UNC79: variants seen among roughly 807,000 people sequenced by gnomAD.
The protein encoded by UNC79 is protein unc-79 homolog.
UNC79 carries 37 observed loss-of-function variants against 283.1 expected under a neutral mutation model. The ratio of observed to expected loss-of-function variants is 0.13; its 90% confidence interval spans 0.10 to 0.17. The LOEUF (loss-of-function observed/expected upper bound fraction) is 0.17, where lower values mean the gene tolerates loss of function less well. Among genes scored for constraint, UNC79 ranks in the 10% least tolerant of loss-of-function variants. UNC79 has a pLI of 1.00. For synonymous variants in UNC79, 1,107 were observed against 1,200.2 expected, an observed-to-expected ratio of 0.92 and a Z score of 1.61; for missense variants, 2,272 against 3,211.1, an observed-to-expected ratio of 0.71 and a Z score of 7.07.
chr14:93,648,195 A>C (rs1952227), intron 35 of UNC79, among the ~76,000 whole-genome samples: 2 of 152,238 alleles, frequency 1.3e-5, no homozygotes, highest in Admixed American at 1.3e-4. Context: ...GCTGTATGGC[A>C]TTGCATCTAC....
At chr14:93,349,087 C>A (rs1004712426) in intron 1 of UNC79, among the ~76,000 whole-genome samples, 1 of 152,294 alleles carries the variant, frequency 6.6e-6, no homozygotes, top group East Asian at 1.9e-4. Flanking sequence ...ACCACGAACC[C>A]ACCAGAAGGA....
At chr14:93,525,180 C>T (rs565405525) in intron 8 of UNC79, among the ~76,000 whole-genome samples, 2 of 152,112 alleles carry the variant, frequency 1.3e-5, no homozygotes, top group East Asian at 1.9e-4. Context: ...TGTGGTGGCT[C>T]GAGCCTGTAA....
At chr14:93,660,561 A>ATGTGTGTGTG (rs1351937848) in intron 39 of UNC79, among the ~76,000 whole-genome samples, 1 of 83,222 alleles carries the variant, frequency 1.2e-5, no homozygotes, top group Non-Finnish European at 2.2e-5. Context: ...ATATATATAT[A>ATGTGTGTGTG]TATGTGTGTG....
intron 34 of UNC79, among the ~76,000 whole-genome samples, chr14:93,645,682 G>A (rs1318445858): frequency 6.6e-6 from 1 of 152,032 alleles, no homozygotes; most frequent in African/African-American, 2.4e-5. Context: ...TGTCTGCTTG[G>A]ATCCCTCTTA....
intron 1 of UNC79, chr14:93,335,200 T>G (rs1251648912): frequency 6.6e-6 from 1 of 152,258 alleles, no homozygotes; most frequent in Non-Finnish European, 1.5e-5. Context: ...GTAGACTGTT[T>G]GGATCTAGAA....
chr14:93,342,837 CAG>C (rs752251631), intron 1 of UNC79, among the ~76,000 whole-genome samples: 3 of 152,344 alleles, frequency 2.0e-5, no homozygotes, highest in South Asian at 2.1e-4. Flanking sequence ...ATCTCTAGGA[CAG>C]GGGCAAAATG....
At chr14:93,404,626 A>G (rs1460846403) in intron 1 of UNC79, among the ~76,000 whole-genome samples, 2 of 148,434 alleles carry the variant, frequency 1.3e-5, no homozygotes, top group Non-Finnish European at 3.0e-5. Context: ...GATTACAGAA[A>G]AATTTATATT....
intron 20 of UNC79, among the ~76,000 whole-genome samples, chr14:93,583,750 C>T (rs191227513): frequency 6.6e-6 from 1 of 151,628 alleles, no homozygotes; most frequent in African/African-American, 2.4e-5. Context: ...CCAGGCTCCC[C>T]ACCTTGCTTC....
intron 1 of UNC79, among the ~76,000 whole-genome samples, chr14:93,357,918 TATATATAG>T (rs1566890318): frequency 2.6e-5 from 1 of 38,134 alleles, no homozygotes; most frequent in African/African-American, 1.2e-4. Context: ...TATATATCCA[TATATATAG>T]ATATATATGG....
chr14:93,542,012 A>C, intron 13 of UNC79, among the ~76,000 whole-genome samples: 1 of 151,292 alleles, frequency 6.6e-6, no homozygotes. Flanking sequence ...CTCAAAAAAA[A>C]AAAAAAAAAA....
intron 17 of UNC79, among the ~76,000 whole-genome samples, chr14:93,577,049 A>C (rs2063516225): frequency 7.4e-6 from 1 of 135,932 alleles, no homozygotes; most frequent in Admixed American, 7.5e-5. Flanking sequence ...ATTTTCAAAA[A>C]CTTAGCTGGG....
At chr14:93,457,712 A>G (rs1328744188) in intron 1 of UNC79, among the ~76,000 whole-genome samples, 1 of 152,242 alleles carries the variant, frequency 6.6e-6, no homozygotes, top group African/African-American at 2.4e-5. Context: ...GAAACATCAC[A>G]CTGGGTGTCA....
chr14:93,470,555 A>G (rs2057448209), intron 2 of UNC79, among the ~76,000 whole-genome samples: 1 of 152,182 alleles, frequency 6.6e-6, no homozygotes, highest in Non-Finnish European at 1.5e-5. Context: ...AACCCAGAGA[A>G]GGGGATCAGT....
At chr14:93,420,824 G>T (rs1282964354) in intron 1 of UNC79, among the ~76,000 whole-genome samples, 5 of 151,614 alleles carry the variant, frequency 3.3e-5, no homozygotes, top group South Asian at 4.3e-4. Flanking sequence ...CTCTACAAAC[G>T]TGGAAATTAA....
chr14:93,698,370 A>C (rs2075294093), intron 47 of UNC79, among the ~76,000 whole-genome samples: 1 of 151,600 alleles, frequency 6.6e-6, no homozygotes, highest in Non-Finnish European at 1.5e-5. Context: ...TGTATTATGA[A>C]GCTCTGTTAT....
chr14:93,501,916 ATTGT>A (rs1450105636), intron 7 of UNC79, among the ~76,000 whole-genome samples: 1 of 152,204 alleles, frequency 6.6e-6, no homozygotes, highest in African/African-American at 2.4e-5. Flanking sequence ...AGGGTTAATG[ATTGT>A]TAGTAATTCA....
rs777639675 is a variant in UNC79 at position 93,704,678 on chromosome 14, C to T, written c.7590+12C>T. ...AGTCAAATATCAAGGTAAGTCACTC[C>T]CTGGGCTGATTGGAAGCTCGGTTTC... On this transcript the variant is annotated intron_variant, in intron 48 of 48. Coordinates refer to ENST00000555664, the Ensembl canonical transcript of UNC79. 1.2e-6 allele frequency: 2 copies of T among 1,614,120 alleles called. No individual in the cohort carries two copies. The highest frequency in any genetic ancestry group is 1.7e-6 in the Non-Finnish European group (2 of 1,179,984).
At chr14:93,333,392 G>A (rs921886026) in exon 1 of UNC79, 4 of 398,508 alleles carry the variant, frequency 1.0e-5, no homozygotes, top group African/African-American at 8.2e-5. Context: ...GTTTCCGTTC[G>A]GCGGCCGGCG....
intron 1 of UNC79, among the ~76,000 whole-genome samples, chr14:93,443,329 G>A (rs769300098): frequency 1.3e-5 from 2 of 151,952 alleles, no homozygotes; most frequent in Non-Finnish European, 2.9e-5. Flanking sequence ...CCCAGTTCCA[G>A]GAAGACATTG....
Sources: gnomAD v4.1 joint callset for allele counts (sites outside exome capture counted in the v4.1 genomes callset) on GRCh38, gnomAD v4.1.1 for gene constraint, MANE v1.5 for transcripts, NCBI Gene and HGNC (gene_info 2026-07-23, HGNC 2026-07-21) for gene names.